Variants in SLC16A7 observed in about 807,000 individuals in gnomAD.
SLC16A7 encodes monocarboxylate transporter 2.
In SLC16A7, 33 loss-of-function variants were observed where a neutral mutation model predicts 34.9. That is an observed-to-expected ratio of 0.94 (90% CI 0.72 to 1.26). The LOEUF is 1.26. Ranked by LOEUF, SLC16A7 falls within the 50% of genes most tolerant of loss-of-function variation. The probability of loss-of-function intolerance (pLI) is 0.00; values close to 1 mark genes in which losing one functional copy is unlikely to be tolerated. For missense variants in SLC16A7, 573 were observed against 578.1 expected, an observed-to-expected ratio of 0.99 and a Z score of 0.09; for synonymous variants, 201 against 206.6, an observed-to-expected ratio of 0.97 and a Z score of 0.23.
In SLC16A7 at chr12:59,771,362, G is replaced by C; in HGVS notation, c.361G>C (p.Gly121Arg). The C allele has an allele frequency of 1.3e-6, 2 of 1,588,942 alleles. No individual in the cohort carries two copies. The highest frequency in any genetic ancestry group is 1.7e-6 in the Non-Finnish European group (2 of 1,167,794). The change falls in exon 4 of 6, where the codon GGT becomes CGT. Residue 121 changes from glycine to arginine, a missense_variant and splice_region_variant. Coordinates refer to ENST00000547379, the MANE Select transcript of SLC16A7 (RefSeq NM_001270623.2). ...GTACCTCACTATGGGATTCATTACA[G>C]GTAAGCCATTTAGTCTTCAGCTTAT... Reference protein sequence around the residue: ...QLYLTMGFITGLGLAFNLQPA... With the variant: ...QLYLTMGFITRLGLAFNLQPA...
At chr12:59,718,128 A>G (rs1875138706) in intron 3 of SLC16A7, among the ~76,000 whole-genome samples, 1 of 152,176 alleles carries the variant, frequency 6.6e-6, no homozygotes, top group Non-Finnish European at 1.5e-5. Context: ...AGCTATATAT[A>G]CAAGTACTAG....
At position 59,771,493 on chromosome 12, in the gene SLC16A7, T is replaced by G. The variant is rs541631589; in HGVS notation, c.361+131T>G. The stretch of plus-strand genomic sequence containing the variant: ...TTATAAACAATGCAGTTTTAAAATA[T>G]TTTCATCTAGTACATTGAAATTCAA... On this transcript the variant is annotated intron_variant, in intron 4 of 5. Transcript: ENST00000547379. The G allele has an allele frequency of 8.4e-5, 47 of 559,526 alleles. 2 individuals are homozygous for G. The South Asian group carries it at 2.4e-3, about 29-fold the overall frequency. 34.7% of individuals were successfully genotyped at this position (559,526 alleles called of 1,614,324 possible). A position where few individuals can be genotyped will look rare whatever the true frequency, so the allele number is the denominator to read the frequency against.
chr12:59,605,850 T>C (rs1878913032), intron 1 of SLC16A7, among the ~76,000 whole-genome samples: 1 of 152,248 alleles, frequency 6.6e-6, no homozygotes, highest in South Asian at 2.1e-4. Context: ...CAGATAGATA[T>C]AGCCCAATGA....
rs370548463 is a variant in SLC16A7, at chr12:59,648,608, A to G, written c.-129-6544A>G. On this transcript the variant is annotated intron_variant, in intron 1 of 5. Transcript: ENST00000547379. ...TTGAGTGAAGAAACATTGCAGCTGA[A>G]CAGAGAAAAAAAGTGAGGCTAAAAA... Among the ~76,000 whole-genome samples the G allele has an allele frequency of 4.7e-4, 72 of 152,282 alleles. 2 individuals carry two copies. In the South Asian group the frequency reaches 0.014, roughly 30 times the overall value.
At chr12:59,758,072 G>T (rs1287918509) in intron 3 of SLC16A7, among the ~76,000 whole-genome samples, 1 of 151,760 alleles carries the variant, frequency 6.6e-6, no homozygotes, top group African/African-American at 2.4e-5. Context: ...CCAACACAAG[G>T]GTTAGGGGGA....
intron 1 of SLC16A7, among the ~76,000 whole-genome samples, chr12:59,638,343 A>T (rs886166598): frequency 6.6e-6 from 1 of 152,112 alleles, no homozygotes; most frequent in Non-Finnish European, 1.5e-5. Flanking sequence ...GCTTTAGAGA[A>T]GAGGGGTTCT....
chr12:59,763,079 C>T (rs1881188517), intron 3 of SLC16A7, among the ~76,000 whole-genome samples: 1 of 151,850 alleles, frequency 6.6e-6, no homozygotes, highest in African/African-American at 2.4e-5. Context: ...TTCTATTATA[C>T]TTTTATAGCA....
At chr12:59,660,048 ATTG>A in intron 2 of SLC16A7, among the ~76,000 whole-genome samples, 1 of 151,888 alleles carries the variant, frequency 6.6e-6, no homozygotes, top group South Asian at 2.1e-4. Flanking sequence ...TTTTGTTGTC[ATTG>A]TTGTTTTATT....
chr12:59,639,477 G>A (rs1026948877), intron 1 of SLC16A7, among the ~76,000 whole-genome samples: 3 of 152,040 alleles, frequency 2.0e-5, no homozygotes, highest in African/African-American at 7.2e-5. Context: ...CCCTGACTCC[G>A]GGCTCAAGCT....
chr12:59,736,632 T>C (rs914677930), intron 3 of SLC16A7, among the ~76,000 whole-genome samples: 7 of 152,178 alleles, frequency 4.6e-5, no homozygotes, highest in African/African-American at 1.7e-4. Flanking sequence ...GATGCCACTT[T>C]AGGACCCTAT....
chr12:59,688,586 G>A (rs531797770), intron 2 of SLC16A7, among the ~76,000 whole-genome samples: 7 of 152,100 alleles, frequency 4.6e-5, no homozygotes, highest in African/African-American at 1.4e-4. Flanking sequence ...TGGCAGCAAT[G>A]TTTTATATAT....
At chr12:59,728,275 T>G (rs1876524346) in intron 3 of SLC16A7, among the ~76,000 whole-genome samples, 1 of 152,190 alleles carries the variant, frequency 6.6e-6, no homozygotes, top group Non-Finnish European at 1.5e-5. Context: ...CACTCACTGC[T>G]AATTCTCTGA....
intron 2 of SLC16A7, among the ~76,000 whole-genome samples, chr12:59,681,591 C>T (rs1175299801): frequency 6.6e-6 from 1 of 152,068 alleles, no homozygotes; most frequent in Non-Finnish European, 1.5e-5. Context: ...ATCAGGAGAT[C>T]CCTACAAGTT....
At chr12:59,714,911 A>G (rs748749841) in intron 3 of SLC16A7, among the ~76,000 whole-genome samples, 10 of 152,096 alleles carry the variant, frequency 6.6e-5, no homozygotes, top group African/African-American at 2.4e-4. Flanking sequence ...TTATGGCCCA[A>G]CTTAATATTT....
chr12:59,754,021 A>T lies in SLC16A7; in HGVS notation c.218-17198A>T, dbSNP rs532896118. On this transcript the variant is annotated intron_variant, in intron 3 of 5. Coordinates refer to ENST00000547379, the MANE Select transcript of SLC16A7 (RefSeq NM_001270623.2). ...CTGAATGACTACTGGGCACATAACG[A>T]AATGAAGGCAGAAATAAAGATGTCC... is the stretch of plus-strand genomic sequence containing the variant. Among the ~76,000 whole-genome samples the T allele has an allele frequency of 1.5e-4, 23 of 152,320 alleles. No individual in the cohort carries two copies. In the South Asian group the frequency reaches 4.8e-3, roughly 32 times the overall value.
chr12:59,656,211 T>G (rs1868526396), intron 2 of SLC16A7, among the ~76,000 whole-genome samples: 1 of 151,980 alleles, frequency 6.6e-6, no homozygotes, highest in Admixed American at 6.6e-5. Flanking sequence ...TATATCTATG[T>G]AGTAAACAGA....
chr12:59,764,921 A>G (rs1201935135), intron 3 of SLC16A7, among the ~76,000 whole-genome samples: 2 of 152,164 alleles, frequency 1.3e-5, no homozygotes, highest in African/African-American at 2.4e-5. Context: ...GTCTTCCACA[A>G]TGGTTGAACT....
intron 2 of SLC16A7, among the ~76,000 whole-genome samples, chr12:59,691,806 T>A (rs1871689710): frequency 1.3e-5 from 2 of 152,038 alleles, no homozygotes; most frequent in South Asian, 4.1e-4. Context: ...CATTTTCTAA[T>A]GACTTTCAGT....
At position 59,707,308 on chromosome 12, in the gene SLC16A7, A is replaced by G. The variant is rs1474652514; in HGVS notation, c.217+2290A>G. Among the ~76,000 whole-genome samples the G allele has an allele frequency of 3.3e-5, 5 of 152,188 alleles. No homozygotes were observed. In the East Asian group the frequency reaches 9.6e-4, roughly 29 times the overall value. On this transcript the variant is annotated intron_variant, in intron 3 of 5. Coordinates refer to ENST00000547379, the MANE Select transcript of SLC16A7 (RefSeq NM_001270623.2). The stretch of plus-strand genomic sequence containing the variant: ...GTCCTAGTCAGAGCCTGGTATCTCA[A>G]TATTCTCCATTGAACAAAAGAAGCA...
Sources: allele counts gnomAD v4.1 joint callset (sites outside exome capture counted in the v4.1 genomes callset), GRCh38; gene constraint gnomAD v4.1.1; transcripts MANE v1.5; gene names NCBI Gene and HGNC (gene_info 2026-07-23, HGNC 2026-07-21).